The following ZNF558 variants were observed in gnomAD, a reference collection of about 807,000 sequenced individuals.
ZNF558 encodes zinc finger protein 558.
ZNF558 carries 23 observed loss-of-function variants against 37.6 expected under a neutral mutation model. The ratio of observed to expected loss-of-function variants is 0.61; its 90% CI spans 0.44 to 0.87. The LOEUF (loss-of-function observed/expected upper bound fraction) is 0.87. Among genes scored for constraint, ZNF558 ranks in the 40% least tolerant of loss-of-function variants. The pLI is 0.00. For synonymous variants in ZNF558, 189 were observed against 174.4 expected (o/e 1.08, Z -0.66); for missense variants, 429 against 483.7 (o/e 0.89, Z 1.06).
rs1478108984 is a variant in ZNF558 at position 8,806,334 on chromosome 19, C to G, written c.*4947G>C. On this transcript the variant is annotated 3_prime_UTR_variant, in exon 10 of 10. Coordinates refer to ENST00000601372, the MANE Select transcript of ZNF558 (RefSeq NM_144693.3). The stretch of plus-strand genomic sequence containing the variant: ...ATGTATGTCTCTATGGAATCATTTT[C>G]CTGAAGCCTGAAGAAATCTCTTCAG... 1.3e-5 allele frequency: 2 copies of G among 152,062 alleles called. No homozygotes were observed. Among genetic ancestry groups the G allele is most frequent in the Non-Finnish European group, 2.9e-5 (2 of 67,996 alleles). The allele number at this position is 152,062 out of a possible 1,614,324, so 9.4% of individuals were successfully genotyped here.
rs2043837440 is a variant in ZNF558 at position 8,813,141 on chromosome 19, G to A, written c.329C>T (p.Pro110Leu). ...CTGGTGCTCACCTGGACAGGTGCTT[G>A]GTAGAATTCCTCTTTCCTCTGTCAC... ...KVVTEERGILPSTCPDLETLL... is the reference protein window; with the variant it reads ...KVVTEERGILLSTCPDLETLL... The change falls in exon 8 of 10, where the codon CCA becomes CTA. Residue 110 changes from proline to leucine, a missense_variant. Pro to Leu is a moderately conservative substitution (Grantham distance 98). Coordinates refer to ENST00000601372, the MANE Select transcript of ZNF558 (RefSeq NM_144693.3). 2 of 1,590,604 alleles carry A rather than the reference G, an allele frequency of 1.3e-6. No homozygotes were observed. Among genetic ancestry groups the A allele is most frequent in the Admixed American group, 1.8e-5 (1 of 56,360 alleles).
intron 8 of ZNF558, 102 bp from the exon 9 acceptor site, chr19:8,812,745 G>A (rs2043827663): frequency 1.5e-6 from 1 of 655,400 alleles, no homozygotes; most frequent in African/African-American, 1.8e-5. Context: ...TTTTGAGGAT[G>A]TTTGCAACAA....
At chr19:8,814,887 C>A (rs1555769798) in intron 7 of ZNF558, among the ~76,000 whole-genome samples, 1 of 152,080 alleles carries the variant, frequency 6.6e-6, no homozygotes, top group Admixed American at 6.5e-5. Context: ...CAGGAGTTTA[C>A]AATATATGAT....
intron 7 of ZNF558, among the ~76,000 whole-genome samples, chr19:8,820,400 A>T (rs1034416752): frequency 1.3e-5 from 2 of 152,252 alleles, no homozygotes; most frequent in African/African-American, 4.8e-5. Context: ...ATGGATTGGC[A>T]AAATGTGGTA....
upstream of ZNF558, among the ~76,000 whole-genome samples, chr19:8,833,725 A>T (rs1268871885): frequency 1.3e-5 from 2 of 151,392 alleles, no homozygotes; most frequent in Non-Finnish European, 2.9e-5. Flanking sequence ...CTGGTGGCTT[A>T]CGCTTGTAAT....
At chr19:8,823,370 TCAG>T (rs2044145243) in intron 4 of ZNF558, among the ~76,000 whole-genome samples, 1 of 50,252 alleles carries the variant, frequency 2.0e-5, no homozygotes, top group African/African-American at 8.2e-5. Flanking sequence ...CCCTCCTGCC[TCAG>T]TCAACCCCTC....
intron 2 of ZNF558, among the ~76,000 whole-genome samples, chr19:8,829,315 T>C (rs1437391663): frequency 1.3e-5 from 2 of 152,106 alleles, no homozygotes; most frequent in Non-Finnish European, 2.9e-5. Flanking sequence ...ATTTGAACAT[T>C]TAATGTCTGG....
In ZNF558 at chr19:8,812,021, A is replaced by G; in HGVS notation, c.469T>C (p.Cys157Arg). ...RGVKLNECNQ[C>R]FKVFSTKSNL... ...GATTTCGTGCTGAAGACTTTAAAAC[A>G]CTGATTACATTCATTGAGTTTCACT... Residue 157 changes from cysteine (C) to arginine (R), a missense_variant, in exon 10 of 10, where the codon TGT becomes CGT. Cys to Arg is a radical substitution (Grantham distance 180). Coordinates refer to ENST00000601372, the MANE Select transcript of ZNF558 (RefSeq NM_144693.3). The G allele has an allele frequency of 6.2e-7, 1 of 1,609,692 alleles. No homozygotes were observed. Among genetic ancestry groups the G allele is most frequent in the Non-Finnish European group, 8.5e-7 (1 of 1,177,542 alleles).
At chr19:8,832,777 G>A (rs2044394214), upstream of ZNF558, among the ~76,000 whole-genome samples, 2 of 152,082 alleles carry the variant, frequency 1.3e-5, no homozygotes, top group African/African-American at 4.8e-5. Flanking sequence ...CAGTTACAGG[G>A]GTGGAGACCT....
rs370555043 is a variant in ZNF558, at chr19:8,821,311, A to G, written c.121-5T>C. The G allele has an allele frequency of 6.2e-7, 1 of 1,614,074 alleles. No homozygotes were observed. The highest frequency in any genetic ancestry group is 1.3e-5 in the African/African-American group (1 of 74,934). ...ATCCTCGAAGGTTACCAAGCCCTAA[A>G]GCATTGCAAACATCACGGCTTAGCC... is the stretch of plus-strand genomic sequence containing the variant. On this transcript the variant is annotated splice_polypyrimidine_tract_variant and splice_region_variant and intron_variant, in intron 6 of 9. Coordinates refer to ENST00000601372, the MANE Select transcript of ZNF558 (RefSeq NM_144693.3).
At chr19:8,815,323 A>T (rs1013163612) in intron 7 of ZNF558, among the ~76,000 whole-genome samples, 1 of 152,216 alleles carries the variant, frequency 6.6e-6, no homozygotes, top group Non-Finnish European at 1.5e-5. Flanking sequence ...AAATACAAAA[A>T]ATGGAAAACA....
intron 2 of ZNF558, among the ~76,000 whole-genome samples, chr19:8,829,766 A>G (rs1196566017): frequency 5.9e-5 from 9 of 152,174 alleles, no homozygotes; most frequent in Non-Finnish European, 1.2e-4. Context: ...TGTGCACTCA[A>G]ATAATATCTA....
At position 8,822,993 on chromosome 19, in the gene ZNF558, C is replaced by T; in HGVS notation, c.-65-269G>A. The T allele has an allele frequency of 2.9e-6, 1 of 346,990 alleles. No individual in the cohort carries two copies. 21.5% of individuals were successfully genotyped at this position (346,990 alleles called of 1,614,324 possible). On this transcript the variant is annotated intron_variant, in intron 4 of 9. Transcript: ENST00000601372. The surrounding 1 kb of genome is among the most constrained non-coding windows in gnomAD (Gnocchi z 4.4). ...CACGCAGTCTCACGGCATGTTCTTC[C>T]CATCCAAGCGCACCACAAACGCATT...
At position 8,808,647 on chromosome 19, in the gene ZNF558, T is replaced by C. The variant is rs1338986551; in HGVS notation, c.*2634A>G. On this transcript the variant is annotated 3_prime_UTR_variant, in exon 10 of 10. Transcript: ENST00000601372. ...ATACATTGTTTTCAAAGAAACAACATGGGTAAAACTTGACCAATTTATAGG... is the reference window on the plus strand; with the variant it reads ...ATACATTGTTTTCAAAGAAACAACACGGGTAAAACTTGACCAATTTATAGG... The C allele has an allele frequency of 6.6e-5, 10 of 152,232 alleles. No homozygotes were observed. The highest frequency in any genetic ancestry group is 1.3e-4 in the Non-Finnish European group (9 of 68,044). The allele number at this position is 152,232 out of a possible 1,614,324, so 9.4% of individuals were successfully genotyped here.
chr19:8,833,714 C>T (rs1327953741), upstream of ZNF558, among the ~76,000 whole-genome samples: 4 of 151,914 alleles, frequency 2.6e-5, no homozygotes, highest in African/African-American at 7.3e-5. Flanking sequence ...GCTGGTTGGA[C>T]CTGGTGGCTT....
chr19:8,829,378 C>G lies in ZNF558; in HGVS notation c.-509+1940G>C, dbSNP rs543994529. ...AAGCCTTTCTATCTATCGTAGCAAC[C>G]CTCAATATAGACATCTGGTTTCACT... On this transcript the variant is annotated intron_variant, in intron 2 of 9. Transcript: ENST00000601372. Among the ~76,000 whole-genome samples, 37 of 152,210 alleles carry G rather than the reference C, an allele frequency of 2.4e-4. 1 individual carries two copies. In the South Asian group the frequency reaches 7.5e-3, roughly 31 times the overall value.
chr19:8,819,239 T>C (rs1346003757), intron 7 of ZNF558, among the ~76,000 whole-genome samples: 2 of 152,180 alleles, frequency 1.3e-5, no homozygotes, highest in Non-Finnish European at 2.9e-5. Flanking sequence ...GGCTGGAATA[T>C]AGTGGATCTC....
intron 9 of ZNF558, 145 bp from the exon 10 acceptor site, chr19:8,812,208 C>G: frequency 2.5e-6 from 2 of 790,132 alleles, no homozygotes; most frequent in Non-Finnish European, 3.7e-6. Context: ...GTGATTTCTG[C>G]CCAGTTTTAG....
intron 7 of ZNF558, among the ~76,000 whole-genome samples, chr19:8,816,371 A>G (rs1264998924): frequency 2.0e-5 from 3 of 152,152 alleles, no homozygotes; most frequent in Non-Finnish European, 4.4e-5. Flanking sequence ...CATCAAACAC[A>G]TATTAATCAA....
Sources: allele counts gnomAD v4.1 joint callset (sites outside exome capture counted in the v4.1 genomes callset), GRCh38; gene constraint gnomAD v4.1.1; non-coding constraint Gnocchi (gnomAD v3.1); transcripts MANE v1.5; gene names NCBI Gene and HGNC (gene_info 2026-07-23, HGNC 2026-07-21).